DNAJB4: variants seen among roughly 807,000 people sequenced by gnomAD.
The protein encoded by DNAJB4 is DnaJ heat shock protein family (Hsp40) member B4.
Under a neutral mutation model 26.6 loss-of-function variants are expected in DNAJB4, and 10 were observed. The ratio of observed to expected loss-of-function variants is 0.38; its 90% CI spans 0.23 to 0.64. DNAJB4 has a LOEUF of 0.64. Ranked by LOEUF, DNAJB4 falls within the 30% of genes least tolerant of loss-of-function variation. The pLI is 0.58. For synonymous variants in DNAJB4, 136 were observed against 134.8 expected (o/e 1.01, Z -0.06); for missense variants, 328 against 408.2 (o/e 0.80, Z 1.69).
intron 1 of DNAJB4, among the ~76,000 whole-genome samples, chr1:78,008,461 A>G (rs1056334486): frequency 5.3e-5 from 8 of 152,216 alleles, no homozygotes; most frequent in Non-Finnish European, 1.0e-4. Context: ...CTCAGAAACT[A>G]TGCTAAATTA....
intron 1 of DNAJB4, among the ~76,000 whole-genome samples, chr1:77,984,121 AACCTTTAACT>A (rs1215506982): frequency 2.6e-5 from 4 of 152,212 alleles, no homozygotes; most frequent in African/African-American, 9.7e-5. Flanking sequence ...ACTGCCAATT[AACCTTTAACT>A]AGGGACTTTT....
chr1:78,013,966 CA>C (rs1660564594), intron 2 of DNAJB4, among the ~76,000 whole-genome samples: 1 of 151,028 alleles, frequency 6.6e-6, no homozygotes, highest in Non-Finnish European at 1.5e-5. Flanking sequence ...AATTGCATAC[CA>C]AAAAAGATTA....
chr1:78,016,094 C>A lies in DNAJB4; in HGVS notation c.861C>A (p.Pro287=). 3 of 1,613,900 alleles carry A rather than the reference C, an allele frequency of 1.9e-6. No homozygotes were observed. The highest frequency in any genetic ancestry group is 2.5e-6 in the Non-Finnish European group (3 of 1,179,980). The part of the protein sequence containing the change: ...IPMSVNDIVK[P]GMRRRIIGYG... ...TGTCAGTAAATGATATTGTGAAACC[C>A]GGAATGAGGAGAAGAATTATTGGAT... The change falls in exon 3 of 3, where the codon CCC becomes CCA. Residue 287 remains proline (P), a synonymous_variant. Transcript: ENST00000370763.
intron 1 of DNAJB4, among the ~76,000 whole-genome samples, chr1:78,008,831 ACT>A (rs757878140): frequency 8.5e-5 from 13 of 152,082 alleles, no homozygotes; most frequent in Non-Finnish European, 1.3e-4. Context: ...ATTCTGAACC[ACT>A]CTCTAAAGTT....
chr1:77,987,298 C>G (rs1659814869), intron 1 of DNAJB4, among the ~76,000 whole-genome samples: 1 of 152,212 alleles, frequency 6.6e-6, no homozygotes, highest in Admixed American at 6.5e-5. Context: ...GACAGGATCT[C>G]TGTCGCCCAA....
At chr1:78,009,106 GA>G in intron 1 of DNAJB4, among the ~76,000 whole-genome samples, 1 of 151,944 alleles carries the variant, frequency 6.6e-6, no homozygotes, top group Admixed American at 6.6e-5. Flanking sequence ...TAGCTAGCTG[GA>G]TTTTTTTTAA....
At chr1:77,994,395 CAAA>C (rs1216714137) in intron 1 of DNAJB4, among the ~76,000 whole-genome samples, 8 of 61,774 alleles carry the variant, frequency 1.3e-4, no homozygotes, top group Non-Finnish European at 1.0e-4. Context: ...AAGACTGTCT[CAAA>C]AAAAAAAAAA....
At chr1:77,983,721 T>G (rs1379777046) in intron 1 of DNAJB4, among the ~76,000 whole-genome samples, 5 of 152,092 alleles carry the variant, frequency 3.3e-5, no homozygotes, top group Non-Finnish European at 7.4e-5. Flanking sequence ...GGTTATAGAT[T>G]AACAGAATCT....
chr1:77,998,230 C>A (rs1302668987), intron 1 of DNAJB4, among the ~76,000 whole-genome samples: 1 of 152,156 alleles, frequency 6.6e-6, no homozygotes, highest in Non-Finnish European at 1.5e-5. Context: ...AATAAACACT[C>A]CATAAATATT....
intron 1 of DNAJB4, among the ~76,000 whole-genome samples, chr1:77,997,335 CTATATCTATATCTATATCTA>C: frequency 6.9e-6 from 1 of 144,012 alleles, no homozygotes; most frequent in African/African-American, 2.6e-5. Context: ...AAAAAAAAAT[CTATATCTATATCTATATCTA>C]TATATCTATA....
intron 1 of DNAJB4, among the ~76,000 whole-genome samples, chr1:78,008,668 T>C (rs1224621449): frequency 6.6e-6 from 1 of 152,208 alleles, no homozygotes; most frequent in Non-Finnish European, 1.5e-5. Context: ...TGATGATGGT[T>C]ATACAGCTCT....
chr1:78,008,711 G>T (rs1483574140), intron 1 of DNAJB4, among the ~76,000 whole-genome samples: 2 of 151,990 alleles, frequency 1.3e-5, no homozygotes, highest in Non-Finnish European at 2.9e-5. Flanking sequence ...AATTGTATTT[G>T]TACAATAGGT....
chr1:78,008,207 GA>G (rs1175902775), intron 1 of DNAJB4, among the ~76,000 whole-genome samples: 1 of 151,330 alleles, frequency 6.6e-6, no homozygotes, highest in Non-Finnish European at 1.5e-5. Context: ...GCAAAGGAAA[GA>G]AAAAAAATAC....
chr1:77,987,026 A>G (rs568448427), intron 1 of DNAJB4, among the ~76,000 whole-genome samples: 6 of 152,244 alleles, frequency 3.9e-5, no homozygotes, highest in African/African-American at 9.6e-5. Flanking sequence ...ACAACTGCCA[A>G]TCTTATTAAC....
intron 1 of DNAJB4, among the ~76,000 whole-genome samples, chr1:78,012,677 C>T (rs1398333782): frequency 4.6e-5 from 7 of 152,042 alleles, no homozygotes; most frequent in African/African-American, 1.7e-4. Flanking sequence ...GGCGTGGTGG[C>T]ACATGCCTGT....
At position 78,014,374 on chromosome 1, in the gene DNAJB4, C is replaced by G. The variant is rs532344714; in HGVS notation, c.780+755C>G. Reference sequence around the variant, plus strand: ...CCACTTGCCTTGGCCTCCCAAAGTGCTAGGATTACAGGCATGAGCCACCAC... The same window carrying G: ...CCACTTGCCTTGGCCTCCCAAAGTGGTAGGATTACAGGCATGAGCCACCAC... On this transcript the variant is annotated intron_variant, in intron 2 of 2. Coordinates refer to ENST00000370763, the MANE Select transcript of DNAJB4 (RefSeq NM_007034.5). 3.2e-3 allele frequency among the ~76,000 whole-genome samples: 487 copies of G among 152,156 alleles called. 4 individuals are homozygous for G. The highest frequency in any genetic ancestry group is 4.7e-3 in the Admixed American group (72 of 15,290).
chr1:78,009,533 G>A (rs1660413763), intron 1 of DNAJB4, among the ~76,000 whole-genome samples: 1 of 152,130 alleles, frequency 6.6e-6, no homozygotes, highest in Admixed American at 6.5e-5. Context: ...AAAACATTTT[G>A]AATAGCAGAG....
At chr1:77,991,726 T>A (rs1046011225) in intron 1 of DNAJB4, among the ~76,000 whole-genome samples, 8 of 152,208 alleles carry the variant, frequency 5.3e-5, no homozygotes, top group African/African-American at 7.2e-5. Context: ...GCTTTTTTTT[T>A]ATTGGTGACT....
chr1:78,006,585 T>G (rs1660335447), intron 1 of DNAJB4, among the ~76,000 whole-genome samples: 1 of 152,222 alleles, frequency 6.6e-6, no homozygotes, highest in Non-Finnish European at 1.5e-5. Context: ...TTTTCCTTTT[T>G]GTTTTGTTTA....
Sources: allele counts gnomAD v4.1 joint callset (sites outside exome capture counted in the v4.1 genomes callset), GRCh38; gene constraint gnomAD v4.1.1; transcripts MANE v1.5; gene names NCBI Gene and HGNC (gene_info 2026-07-23, HGNC 2026-07-21).